Variants in POT1 observed in about 807,000 individuals in gnomAD.
POT1 encodes protection of telomeres protein 1.
POT1 carries 47 observed loss-of-function variants against 78.5 expected under a neutral mutation model. The ratio of observed to expected loss-of-function variants is 0.60; its 90% CI spans 0.47 to 0.76. The LOEUF is 0.76. Among genes scored for constraint, POT1 ranks in the 30% least tolerant of loss-of-function variants. The pLI is 0.00. For missense variants in POT1, 646 were observed against 749.9 expected (o/e 0.86, Z 1.62); for synonymous variants, 259 against 260.7 (o/e 0.99, Z 0.06).
intron 14 of POT1, among the ~76,000 whole-genome samples, chr7:124,838,888 A>T (rs1008265050): frequency 3.3e-5 from 5 of 152,196 alleles, no homozygotes; most frequent in Admixed American, 2.0e-4. Flanking sequence ...TACCAGAGTG[A>T]GCCACTGCGC....
rs1554414690 is a variant in POT1 at position 124,824,033 on chromosome 7, C to G, written c.1834G>C (p.Val612Leu). 1 of 1,608,822 alleles carries G rather than the reference C, an allele frequency of 6.2e-7. No individual in the cohort carries two copies. Residue 612 changes from valine to leucine, a missense_variant, in exon 19 of 19, where the codon GTC becomes CTC. By Grantham distance (32) the Val-to-Leu change is conservative. This residue lies in a region of POT1 where 394 missense variants were observed against 408.4 expected (regional missense o/e 0.96). Transcript: ENST00000357628. Reference sequence around the variant, plus strand: ...ATTTGATTATCTGTTCCATTTGTGACATTGTATGACTTGATGAAGCATTCC... The same window carrying G: ...ATTTGATTATCTGTTCCATTTGTGAGATTGTATGACTTGATGAAGCATTCC... The part of the protein sequence containing the change: ...WLECFIKSYN[V>L]TNGTDNQICY...
intron 2 of POT1, among the ~76,000 whole-genome samples, chr7:124,926,969 T>C (rs981024438): frequency 1.3e-5 from 2 of 152,138 alleles, no homozygotes; most frequent in African/African-American, 4.8e-5. Flanking sequence ...GGTTGCTTGG[T>C]GGGTACAAGC....
At chr7:124,879,661 T>A (rs539407890) in intron 6 of POT1, among the ~76,000 whole-genome samples, 1 of 152,150 alleles carries the variant, frequency 6.6e-6, no homozygotes, top group African/African-American at 2.4e-5. Context: ...AATAGGATAT[T>A]TTTCTGTTGA....
chr7:124,914,894 T>C (rs970255232), intron 3 of POT1, among the ~76,000 whole-genome samples: 6 of 152,216 alleles, frequency 3.9e-5, no homozygotes, highest in African/African-American at 1.2e-4. Context: ...TCTACAAGTA[T>C]CTGTTACTTA....
intron 11 of POT1, among the ~76,000 whole-genome samples, chr7:124,850,832 T>G (rs1795289088): frequency 6.6e-6 from 1 of 152,080 alleles, no homozygotes; most frequent in South Asian, 2.1e-4. Flanking sequence ...ATTTTCATGC[T>G]TATTATTGAG....
Position 124,853,064 on chromosome 7 carries a change from T to A in POT1, c.777A>T (p.Leu259Phe), listed in dbSNP as rs1795353283. The part of the protein sequence containing the change: ...QSMNSENQTM[L>F]SLEFHLHGGT... ...CTCCATGAAGATGAAACTCTAAACT[T>A]AACATTGTCTGATTCTCTGAATTCA... Residue 259 changes from leucine to phenylalanine, a missense_variant, in exon 10 of 19, where the codon TTA becomes TTT. Around this residue, in one of 2 missense-constraint regions of POT1, gnomAD observed 252 missense variants for 341.4 expected, o/e 0.74. Coordinates refer to ENST00000357628, the MANE Select transcript of POT1 (RefSeq NM_015450.3). The A allele has an allele frequency of 6.2e-7, 1 of 1,610,764 alleles. No individual in the cohort carries two copies. Among genetic ancestry groups the A allele is most frequent in the Non-Finnish European group, 8.5e-7 (1 of 1,177,078 alleles).
intron 17 of POT1, among the ~76,000 whole-genome samples, chr7:124,826,026 G>A (rs1372418462): frequency 6.6e-6 from 1 of 152,046 alleles, no homozygotes; most frequent in Non-Finnish European, 1.5e-5. Context: ...AAGTATTTTT[G>A]CCTGGAAGCC....
intron 11 of POT1, among the ~76,000 whole-genome samples, chr7:124,849,790 G>T (rs984100355): frequency 6.6e-6 from 1 of 152,052 alleles, no homozygotes; most frequent in African/African-American, 2.4e-5. Flanking sequence ...TGAGTCATAT[G>T]AATTAGCCCA....
At chr7:124,825,179 T>C in intron 18 of POT1, 73 bp downstream of exon 18, 1 of 902,512 alleles carries the variant, frequency 1.1e-6, no homozygotes, top group Non-Finnish European at 1.7e-6. Context: ...CTTCTAAAAG[T>C]CCACAGAGTA....
intron 9 of POT1, among the ~76,000 whole-genome samples, chr7:124,855,661 A>G (rs1415063773): frequency 2.0e-5 from 3 of 150,788 alleles, no homozygotes; most frequent in Non-Finnish European, 4.4e-5. Context: ...TTTAAATACT[A>G]AAAAAAAACT....
At chr7:124,865,952 C>CTT (rs1795712873) in intron 7 of POT1, among the ~76,000 whole-genome samples, 1 of 151,768 alleles carries the variant, frequency 6.6e-6, no homozygotes, top group Non-Finnish European at 1.5e-5. Context: ...CTAAGGGTAA[C>CTT]ACTTTGTTGT....
At chr7:124,874,778 C>G in intron 6 of POT1, among the ~76,000 whole-genome samples, 1 of 135,490 alleles carries the variant, frequency 7.4e-6, no homozygotes, top group African/African-American at 2.7e-5. Context: ...GTTAGGAAGA[C>G]AAAGGAGAGA....
intron 11 of POT1, among the ~76,000 whole-genome samples, chr7:124,847,349 G>T (rs953643708): frequency 3.9e-5 from 6 of 152,112 alleles, no homozygotes; most frequent in African/African-American, 1.4e-4. Context: ...ACAAAAATTA[G>T]CCAAGTGTGG....
At chr7:124,882,578 G>C (rs1404582452) in intron 6 of POT1, among the ~76,000 whole-genome samples, 1 of 151,858 alleles carries the variant, frequency 6.6e-6, no homozygotes, top group Non-Finnish European at 1.5e-5. Flanking sequence ...GTTAGACATT[G>C]CATGAGTTCA....
intron 2 of POT1, among the ~76,000 whole-genome samples, chr7:124,917,586 C>T (rs942060468): frequency 2.0e-5 from 3 of 152,122 alleles, no homozygotes; most frequent in Non-Finnish European, 4.4e-5. Flanking sequence ...ACAATAACAA[C>T]ATATGAGGCA....
chr7:124,851,816 A>C, intron 11 of POT1, 56 bp downstream of exon 11: 2 of 1,192,668 alleles, frequency 1.7e-6, no homozygotes, highest in Non-Finnish European at 2.5e-6. Context: ...AATTATGTTG[A>C]TAAAACTATT....
intron 6 of POT1, among the ~76,000 whole-genome samples, chr7:124,884,802 A>G (rs1369180254): frequency 6.6e-6 from 1 of 152,208 alleles, no homozygotes; most frequent in African/African-American, 2.4e-5. Context: ...GATGAGCCAT[A>G]CACTATTAAC....
intron 2 of POT1, among the ~76,000 whole-genome samples, chr7:124,921,210 T>A (rs1314711594): frequency 2.0e-5 from 3 of 152,122 alleles, no homozygotes; most frequent in Admixed American, 2.0e-4. Context: ...CATTTCTATA[T>A]CAAGCACACA....
chr7:124,831,026 G>T (rs184878747), intron 15 of POT1, among the ~76,000 whole-genome samples: 74 of 152,236 alleles, frequency 4.9e-4, no homozygotes, highest in Middle Eastern at 3.4e-3. Flanking sequence ...CATAGAGTAG[G>T]AAACCTATGT....
Sources: gnomAD v4.1 joint callset for allele counts (sites outside exome capture counted in the v4.1 genomes callset) on GRCh38, gnomAD v4.1.1 for gene constraint, gnomAD v4.1.1 regional missense constraint, MANE v1.5 for transcripts, NCBI Gene and HGNC (gene_info 2026-07-23, HGNC 2026-07-21) for gene names.